MIS18A: variants seen among roughly 807,000 people sequenced by gnomAD.
MIS18A encodes the protein MIS18 kinetochore protein A.
A neutral mutation model predicts 25.0 loss-of-function variants in MIS18A; 14 were observed. The ratio of observed to expected loss-of-function variants is 0.56; its 90% confidence interval spans 0.37 to 0.88. MIS18A has a LOEUF of 0.88. MIS18A is among the 40% of genes least tolerant of loss of function. The probability of loss-of-function intolerance (pLI) is 0.00; values close to 1 mark genes in which losing one functional copy is unlikely to be tolerated. For synonymous variants in MIS18A, 134 were observed against 118.6 expected, an observed-to-expected ratio of 1.13 and a Z score of -0.84; for missense variants, 292 against 290.8, an observed-to-expected ratio of 1.00 and a Z score of -0.03.
At chr21:32,184,509 G>T in the MIS18A span, among the ~76,000 whole-genome samples, 1 of 152,176 alleles carries the variant, frequency 6.6e-6, no homozygotes, top group African/African-American at 2.4e-5. Context: ...GCTGTGGAAA[G>T]GTCATCTGAG....
At position 32,278,765 on chromosome 21, in the gene MIS18A, G is replaced by A. The variant is rs1373603104; in HGVS notation, c.250C>T (p.Leu84=). 10 of 1,579,768 alleles carry A rather than the reference G, an allele frequency of 6.3e-6. No individual in the cohort carries two copies. The highest frequency in any genetic ancestry group is 1.3e-5 in the African/African-American group (1 of 74,788). Residue 84 remains leucine (L), a synonymous_variant, in exon 1 of 5, where the codon CTG becomes TTG. Transcript: ENST00000290130. Reference sequence around the variant, plus strand: ...AGCGGCCGCCGGCAGCCGGAGCACAGGAACACCAGCGGCCTCTCCTCCGCA... The same window carrying A: ...AGCGGCCGCCGGCAGCCGGAGCACAAGAACACCAGCGGCCTCTCCTCCGCA... The part of the protein sequence containing the change: ...AAAEERPLVF[L]CSGCRRPLGD...
the MIS18A span, among the ~76,000 whole-genome samples, chr21:32,199,634 C>T: frequency 1.3e-5 from 2 of 151,878 alleles, no homozygotes; most frequent in African/African-American, 4.8e-5. Flanking sequence ...CTGGTAAAAC[C>T]CCGCCTCTAC....
At chr21:32,213,481 G>A in the MIS18A span, among the ~76,000 whole-genome samples, 3 of 152,270 alleles carry the variant, frequency 2.0e-5, no homozygotes, top group East Asian at 1.9e-4. Context: ...GTTTATGCAC[G>A]GAATACCTCT....
At chr21:32,184,661 C>T in the MIS18A span, among the ~76,000 whole-genome samples, 2 of 152,154 alleles carry the variant, frequency 1.3e-5, no homozygotes, top group Admixed American at 6.5e-5. Flanking sequence ...CAGTCTCATA[C>T]GACCAACAGA....
the MIS18A span, among the ~76,000 whole-genome samples, chr21:32,180,139 T>C: frequency 1.3e-5 from 2 of 151,978 alleles, no homozygotes; most frequent in Non-Finnish European, 2.9e-5. Flanking sequence ...GGGGGAATTA[T>C]TGAGACATGT....
the MIS18A span, among the ~76,000 whole-genome samples, chr21:32,181,684 A>AGGGCAG: frequency 1.3e-5 from 2 of 152,170 alleles, no homozygotes; most frequent in African/African-American, 4.8e-5. Flanking sequence ...ATCTGGCCTC[A>AGGGCAG]ATGATAGATG....
rs117441384 is a variant in MIS18A, at chr21:32,276,194, T to C, written c.335-1298A>G. 3.8e-4 allele frequency among the ~76,000 whole-genome samples: 58 copies of C among 152,116 alleles called. No homozygotes were observed. In the East Asian group the frequency reaches 6.2e-3, roughly 16 times the overall value. On this transcript the variant is annotated intron_variant, in intron 1 of 4. Transcript: ENST00000290130. ...AGCCAAGCTAGCATTCACTTATAAA[T>C]ACAGGAAAATAATCCCAGCACTTTG... is the stretch of plus-strand genomic sequence containing the variant.
chr21:32,210,204 C>T, the MIS18A span, among the ~76,000 whole-genome samples: 1 of 152,160 alleles, frequency 6.6e-6, no homozygotes, highest in South Asian at 2.1e-4. Flanking sequence ...TTGCCTGTTT[C>T]TTCATGCTTA....
downstream of MIS18A, among the ~76,000 whole-genome samples, chr21:32,266,479 C>T (rs1407858843): frequency 6.6e-6 from 1 of 152,192 alleles, no homozygotes; most frequent in Non-Finnish European, 1.5e-5. Context: ...ACTGCTCACT[C>T]TTTGGGTCCA....
At chr21:32,263,201 TG>T in the MIS18A span, among the ~76,000 whole-genome samples, 1 of 152,192 alleles carries the variant, frequency 6.6e-6, no homozygotes, top group African/African-American at 2.4e-5. Context: ...GCAAAATAGA[TG>T]TACATAACAT....
the MIS18A span, among the ~76,000 whole-genome samples, chr21:32,256,183 T>C: frequency 6.6e-6 from 1 of 152,138 alleles, no homozygotes; most frequent in Non-Finnish European, 1.5e-5. Context: ...CTAAAGAGAA[T>C]TACTCTACTC....
At chr21:32,166,863 C>G in the MIS18A span, among the ~76,000 whole-genome samples, 1 of 152,016 alleles carries the variant, frequency 6.6e-6, no homozygotes, top group Admixed American at 6.6e-5. Flanking sequence ...GAAAGGGTAA[C>G]TTTACAGTGG....
chr21:32,274,462 T>A (rs1157615342), intron 2 of MIS18A, among the ~76,000 whole-genome samples: 5 of 152,098 alleles, frequency 3.3e-5, no homozygotes, highest in Admixed American at 6.6e-5. Flanking sequence ...CACCTTGGCC[T>A]CCGAAAGTGC....
At chr21:32,271,840 A>G (rs2123465712) in intron 2 of MIS18A, among the ~76,000 whole-genome samples, 1 of 152,352 alleles carries the variant, frequency 6.6e-6, no homozygotes, top group East Asian at 1.9e-4. Flanking sequence ...CTATATATCA[A>G]ACCTCATTAC....
chr21:32,226,072 T>C, the MIS18A span, among the ~76,000 whole-genome samples: 8 of 120,298 alleles, frequency 6.7e-5, no homozygotes, highest in African/African-American at 1.4e-4. Flanking sequence ...TAGGTGGGAA[T>C]TGAACAATGA....
the MIS18A span, among the ~76,000 whole-genome samples, chr21:32,239,283 T>C: frequency 3.7e-4 from 56 of 152,162 alleles, no homozygotes; most frequent in Non-Finnish European, 6.2e-4. Flanking sequence ...TTATTATTAT[T>C]AGGGGTTAGT....
the MIS18A span, among the ~76,000 whole-genome samples, chr21:32,210,685 G>A: frequency 3.2e-3 from 494 of 152,260 alleles, 4 homozygotes; most frequent in African/African-American, 0.012. Flanking sequence ...CTGACAACTC[G>A]GGGCGTTAAC....
the MIS18A span, among the ~76,000 whole-genome samples, chr21:32,241,965 G>A: frequency 3.3e-5 from 5 of 152,158 alleles, no homozygotes; most frequent in African/African-American, 9.7e-5. Context: ...TGCAAGCTCC[G>A]CCTCCCGGGT....
chr21:32,162,556 C>T, the MIS18A span, among the ~76,000 whole-genome samples: 1 of 152,168 alleles, frequency 6.6e-6, no homozygotes, highest in Non-Finnish European at 1.5e-5. Context: ...GTTCATAGTG[C>T]ATGCCACTAT....
Sources: gnomAD v4.1 joint callset for allele counts (sites outside exome capture counted in the v4.1 genomes callset) on GRCh38, gnomAD v4.1.1 for gene constraint, MANE v1.5 for transcripts, NCBI Gene and HGNC (gene_info 2026-07-23, HGNC 2026-07-21) for gene names.